Variants in PCDHA9 observed in about 807,000 individuals in gnomAD.
PCDHA9 encodes protocadherin alpha 9.
A neutral mutation model predicts 62.0 loss-of-function variants in PCDHA9; 62 were observed. The ratio of observed to expected loss-of-function variants is 1.00; its 90% CI spans 0.81 to 1.23. The LOEUF is 1.23. Ranked by LOEUF, PCDHA9 falls within the 50% of genes most tolerant of loss-of-function variation. PCDHA9 has a pLI of 0.00. For missense variants in PCDHA9, 1,205 were observed against 1,249.8 expected, an observed-to-expected ratio of 0.96 and a Z score of 0.54; for synonymous variants, 557 against 567.6, an observed-to-expected ratio of 0.98 and a Z score of 0.27.
chr5:140,934,926 G>A lies in PCDHA9; in HGVS notation c.2395-44023G>A, dbSNP rs1054459840. Among the ~76,000 whole-genome samples, 3 of 152,116 alleles carry A rather than the reference G, an allele frequency of 2.0e-5. No homozygotes were observed. In the East Asian group the frequency reaches 5.8e-4, roughly 29 times the overall value. On this transcript the variant is annotated intron_variant, in intron 1 of 3. Transcript: ENST00000532602. ...TGGAATAATTATGGATTCACATAAA[G>A]TTACAAAACTAGTATAGAGAGATCC...
At chr5:140,883,288 A>G (rs781835023) in intron 1 of PCDHA9, 1 of 1,614,110 alleles carries the variant, frequency 6.2e-7, no homozygotes, top group Non-Finnish European at 8.5e-7. Context: ...TGGTGGAAGT[A>G]CTAGATGTAA....
chr5:140,967,240 C>T, intron 1 of PCDHA9: 1 of 1,613,644 alleles, frequency 6.2e-7, no homozygotes, highest in African/African-American at 1.3e-5. Flanking sequence ...TTCAGGTAAG[C>T]GAATCGGTGG....
chr5:140,905,957 G>A (rs993962295), intron 1 of PCDHA9, among the ~76,000 whole-genome samples: 1 of 152,200 alleles, frequency 6.6e-6, no homozygotes, highest in South Asian at 2.1e-4. Context: ...CGATGTTCAA[G>A]GGGAGGAAGA....
chr5:140,986,073 G>A (rs1428668406), intron 3 of PCDHA9, among the ~76,000 whole-genome samples: 1 of 152,176 alleles, frequency 6.6e-6, no homozygotes, highest in East Asian at 1.9e-4. Context: ...TAAAGAAACT[G>A]TTCATTTATT....
At chr5:140,916,825 C>T (rs2077750975) in intron 1 of PCDHA9, among the ~76,000 whole-genome samples, 1 of 152,144 alleles carries the variant, frequency 6.6e-6, no homozygotes, top group Non-Finnish European at 1.5e-5. Context: ...CCACCCCTAT[C>T]CCTCTGGTTC....
In PCDHA9 at chr5:140,851,131, G is replaced by T. The variant is rs2041968794; in HGVS notation, c.2394+242G>T. The T allele has an allele frequency of 4.6e-6, 6 of 1,310,148 alleles. No individual in the cohort carries two copies. In the East Asian group the frequency reaches 1.6e-4, roughly 35 times the overall value. The allele number at this position is 1,310,148 out of a possible 1,614,324, so 81.2% of individuals were successfully genotyped here. ...CTGAATCAATTTTATTTAAATTTGT[G>T]ATTAAAGTGACATTGAATTTCTGAT... On this transcript the variant is annotated intron_variant, in intron 1 of 3. Coordinates refer to ENST00000532602, the MANE Select transcript of PCDHA9 (RefSeq NM_031857.2).
intron 1 of PCDHA9, chr5:140,875,190 C>T (rs2055337617): frequency 4.0e-6 from 2 of 496,884 alleles, no homozygotes; most frequent in Admixed American, 4.0e-5. Flanking sequence ...TTAAGAGTGA[C>T]CCAGGAAGTG....
chr5:140,999,066 T>G (rs2097845533), intron 3 of PCDHA9, among the ~76,000 whole-genome samples: 1 of 152,214 alleles, frequency 6.6e-6, no homozygotes, highest in Admixed American at 6.5e-5. Flanking sequence ...CTAAGTAGTC[T>G]CCTTCACTTC....
chr5:140,928,939 T>C (rs367874769), intron 1 of PCDHA9: 1 of 1,614,130 alleles, frequency 6.2e-7, no homozygotes, highest in Non-Finnish European at 8.5e-7. Context: ...CCAGAACTTG[T>C]ATTTAGTAAT....
At chr5:140,963,611 A>C (rs955529183) in intron 1 of PCDHA9, among the ~76,000 whole-genome samples, 1 of 152,208 alleles carries the variant, frequency 6.6e-6, no homozygotes, top group Admixed American at 6.5e-5. Context: ...TAATTGGGAA[A>C]GCTTAACTTT....
At chr5:140,863,076 G>A (rs782126148) in intron 1 of PCDHA9, 19 of 569,916 alleles carry the variant, frequency 3.3e-5, no homozygotes, top group South Asian at 2.5e-4. Context: ...GGCTCTGCAC[G>A]GGCGAGATCA....
In PCDHA9 at chr5:140,869,280, G is replaced by A. The variant is rs1294171258; in HGVS notation, c.2394+18391G>A. 8 of 1,613,486 alleles carry A rather than the reference G, an allele frequency of 5.0e-6. No individual in the cohort carries two copies. In the African/African-American group the frequency reaches 8.0e-5, roughly 16 times the overall value. On this transcript the variant is annotated intron_variant, in intron 1 of 3. Transcript: ENST00000532602. ...ACCTGGGGCTGGAGCTGGCGGAGCT[G>A]GTGCAGCGCCTGTTCCGGGTGGCGT...
At chr5:140,975,917 A>C (rs1287006605) in intron 1 of PCDHA9, among the ~76,000 whole-genome samples, 1 of 152,220 alleles carries the variant, frequency 6.6e-6, no homozygotes, top group Non-Finnish European at 1.5e-5. Context: ...TATTCTACCA[A>C]AAGACTAACC....
intron 1 of PCDHA9, chr5:140,927,414 A>T: frequency 6.2e-7 from 1 of 1,614,114 alleles, no homozygotes; most frequent in South Asian, 1.1e-5. Context: ...TGGACATGGG[A>T]TCGCGGGTTG....
intron 3 of PCDHA9, among the ~76,000 whole-genome samples, chr5:140,997,904 A>G (rs1446627520): frequency 6.6e-6 from 1 of 152,224 alleles, no homozygotes; most frequent in Non-Finnish European, 1.5e-5. Flanking sequence ...TTCAAGAAGT[A>G]GAATTACAGA....
At chr5:140,908,804 T>C (rs1157142483) in intron 1 of PCDHA9, among the ~76,000 whole-genome samples, 2 of 152,162 alleles carry the variant, frequency 1.3e-5, no homozygotes, top group African/African-American at 4.8e-5. Context: ...CATTAAAAAG[T>C]GAGAGCCTTT....
chr5:140,900,143 G>C (rs1198470231), intron 1 of PCDHA9, among the ~76,000 whole-genome samples: 2 of 152,156 alleles, frequency 1.3e-5, no homozygotes, highest in African/African-American at 2.4e-5. Flanking sequence ...AAATAAGTAA[G>C]AACATACGAT....
Position 140,978,986 on chromosome 5 carries a change from C to A in PCDHA9, c.2432C>A (p.Ser811Tyr). The change falls in exon 2 of 4, where the codon TCC becomes TAC. Residue 811 changes from serine (S) to tyrosine (Y), a missense_variant. Ser to Tyr is a moderately radical substitution (Grantham distance 144). Coordinates refer to ENST00000532602, the MANE Select transcript of PCDHA9 (RefSeq NM_031857.2). ...AACCCTGACTGGCGTTACTCTGCCT[C>A]CCTGAGAGCAGGCATGCACAGGTAT... ...QPNPDWRYSA[S>Y]LRAGMHSSVH... is the part of the protein sequence containing the mutation. The A allele has an allele frequency of 6.2e-7, 1 of 1,614,190 alleles. No homozygotes were observed. The highest frequency in any genetic ancestry group is 1.7e-5 in the Admixed American group (1 of 60,026).
Position 140,876,296 on chromosome 5 carries a change from G to C in PCDHA9, c.2394+25407G>C, listed in dbSNP as rs1337465467. On this transcript the variant is annotated intron_variant, in intron 1 of 3. Coordinates refer to ENST00000532602, the MANE Select transcript of PCDHA9 (RefSeq NM_031857.2). ...TCCGATCCAGACGAAGGACTTAATGGAGAAATTTCCTATGGGATCAAAATG... is the reference window on the plus strand; with the variant it reads ...TCCGATCCAGACGAAGGACTTAATGCAGAAATTTCCTATGGGATCAAAATG... 19 of 1,613,952 alleles carry C rather than the reference G, an allele frequency of 1.2e-5. No individual in the cohort carries two copies. Among genetic ancestry groups the C allele is most frequent in the Non-Finnish European group, 1.6e-5 (19 of 1,179,904 alleles).
Sources: gnomAD v4.1 joint callset for allele counts (sites outside exome capture counted in the v4.1 genomes callset) on GRCh38, gnomAD v4.1.1 for gene constraint, MANE v1.5 for transcripts, NCBI Gene and HGNC (gene_info 2026-07-23, HGNC 2026-07-21) for gene names.